NDUFV1: variants seen among roughly 807,000 people sequenced by gnomAD.
The protein encoded by NDUFV1 is NADH dehydrogenase [ubiquinone] flavoprotein 1, mitochondrial.
A neutral mutation model predicts 48.7 loss-of-function variants in NDUFV1; 41 were observed. The ratio of observed to expected loss-of-function variants is 0.84; its 90% CI spans 0.66 to 1.09. NDUFV1 has a LOEUF of 1.09. NDUFV1 is among the 50% of genes least tolerant of loss of function. NDUFV1 has a pLI of 0.00. For missense variants in NDUFV1, 580 were observed against 645.4 expected, an observed-to-expected ratio of 0.90 and a Z score of 1.10; for synonymous variants, 231 against 259.1, an observed-to-expected ratio of 0.89 and a Z score of 1.04.
At chr11:67,609,701 G>A (rs1854877765) in intron 4 of NDUFV1, 66 bp downstream of exon 4, 2 of 1,559,302 alleles carry the variant, frequency 1.3e-6, no homozygotes, top group Non-Finnish European at 1.7e-6. Context: ...CCCTCACCCA[G>A]CACAGTTGTT....
chr11:67,608,270 C>A, intron 1 of NDUFV1, 126 bp from the exon 2 acceptor site: 1 of 872,360 alleles, frequency 1.1e-6, no homozygotes, highest in Non-Finnish European at 2.0e-6. Context: ...ATCTATGATG[C>A]TATAGATGCT....
chr11:67,607,113 G>A, intron 1 of NDUFV1, 37 bp downstream of exon 1: 1 of 1,585,984 alleles, frequency 6.3e-7, no homozygotes, highest in Non-Finnish European at 8.5e-7. Context: ...GGGTGTTTGG[G>A]GCCGGGTGTC....
At position 67,608,586 on chromosome 11, in the gene NDUFV1, A is replaced by G. The variant is rs764747753; in HGVS notation, c.190A>G (p.Lys64Glu). The stretch of plus-strand genomic sequence containing the variant: ...TTCCCTGAGTCGAGGTGACTGGTAC[A>G]AGACAAAGGAGATCCTGCTGAAGGG... ...KGSLSRGDWYKTKEILLKGPD... is the reference protein window; with the variant it reads ...KGSLSRGDWYETKEILLKGPD... Residue 64 changes from lysine to glutamate, a missense_variant, in exon 3 of 10, where the codon AAG becomes GAG. Lys to Glu is a moderately conservative substitution (Grantham distance 56). Transcript: ENST00000322776. The G allele has an allele frequency of 6.2e-7, 1 of 1,614,190 alleles. No individual in the cohort carries two copies. Among genetic ancestry groups the G allele is most frequent in the Non-Finnish European group, 8.5e-7 (1 of 1,180,014 alleles).
In NDUFV1 at chr11:67,609,628, A is replaced by G. The variant is rs1306377615; in HGVS notation, c.503A>G (p.Asn168Ser). The change falls in exon 4 of 10, where the codon AAT becomes AGT. Residue 168 changes from asparagine (N) to serine (S), a missense_variant. Physicochemically the swap from Asn to Ser is conservative, Grantham distance 46. Coordinates refer to ENST00000322776, the MANE Select transcript of NDUFV1 (RefSeq NM_007103.4). Reference protein sequence around the residue: ...IRGEFYNEASNLQVAIREAYE... With the variant: ...IRGEFYNEASSLQVAIREAYE... ...GGGGAATTCTACAATGAGGCCTCCA[A>G]TCTGCAGGTGGGTAGGGAGAGATGT... 1 of 1,604,096 alleles carries G rather than the reference A, an allele frequency of 6.2e-7. No homozygotes were observed. Among genetic ancestry groups the G allele is most frequent in the Non-Finnish European group, 8.5e-7 (1 of 1,179,950 alleles).
rs193040914 is a variant in NDUFV1, at chr11:67,609,110, A to C, written c.327-342A>C. Among the ~76,000 whole-genome samples, 159 of 152,308 alleles carry C rather than the reference A, an allele frequency of 1.0e-3. 4 individuals carry two copies. Among genetic ancestry groups the C allele is most frequent in the African/African-American group, 3.4e-3 (141 of 41,566 alleles). Reference sequence around the variant, plus strand: ...TGGTTGGCACATAAAGCAAATGATAAATGTCACCTGCTTTACCTCCTTTTG... The same window carrying C: ...TGGTTGGCACATAAAGCAAATGATACATGTCACCTGCTTTACCTCCTTTTG... On this transcript the variant is annotated intron_variant, in intron 3 of 9. Transcript: ENST00000322776.
intron 1 of NDUFV1, chr11:67,607,476 G>T: frequency 2.1e-6 from 1 of 472,148 alleles, no homozygotes; most frequent in Non-Finnish European, 4.2e-6. Flanking sequence ...AAAAGGATGG[G>T]AATCCCGTCG....
chr11:67,607,424 CG>C, intron 1 of NDUFV1: 4 of 516,008 alleles, frequency 7.8e-6, no homozygotes, highest in South Asian at 6.1e-5. Flanking sequence ...CCTGATTTCC[CG>C]TCCACTGCTC....
chr11:67,609,560 G>A lies in NDUFV1; in HGVS notation c.435G>A (p.Gly145=), dbSNP rs146528078. Residue 145 remains glycine, a synonymous_variant, in exon 4 of 10, where the codon GGG becomes GGA. Transcript: ENST00000322776. The part of the protein sequence containing the change: ...PHKLLEGCLV[G]GRAMGARAAY... ...AGCTGCTGGAAGGCTGCCTGGTGGG[G>A]GGCCGGGCCATGGGCGCCCGCGCTG... 260 of 1,613,110 alleles carry A rather than the reference G, an allele frequency of 1.6e-4. No individual in the cohort carries two copies. The African/African-American group carries it at 3.1e-3, about 20-fold the overall frequency.
Position 67,610,541 on chromosome 11 carries a change from G to A in NDUFV1, c.671G>A (p.Arg224His), listed in dbSNP as rs754879444. 13 of 1,611,354 alleles carry A rather than the reference G, an allele frequency of 8.1e-6. No individual in the cohort carries two copies. Among genetic ancestry groups the A allele is most frequent in the South Asian group, 5.5e-5 (5 of 90,942 alleles). The change falls in exon 5 of 10, where the codon CGC (arginine) becomes CAC (histidine). Residue 224 changes from arginine (R) to histidine (H), a missense_variant. Transcript: ENST00000322776. ...ESIEGKQGKP[R>H]LKPPFPADVG... Reference sequence around the variant, plus strand: ...ATTGAGGGCAAGCAGGGCAAGCCCCGCCTGAAGCCCCCCTTCCCCGCAGAC... The same window carrying A: ...ATTGAGGGCAAGCAGGGCAAGCCCCACCTGAAGCCCCCCTTCCCCGCAGAC...
intron 1 of NDUFV1, 168 bp from the exon 2 acceptor site, chr11:67,608,228 A>AG (rs1271666501): frequency 2.3e-5 from 16 of 710,986 alleles, no homozygotes; most frequent in Non-Finnish European, 3.7e-5. Context: ...TCTGTCTCAA[A>AG]AAAAAAAAAA....
Position 67,610,467 on chromosome 11 carries a change from C to T in NDUFV1, c.597C>T (p.Arg199=), listed in dbSNP as rs151104852. Residue 199 remains arginine (R), a synonymous_variant, in exon 5 of 10, where the codon CGC becomes CGT. Coordinates refer to ENST00000322776, the MANE Select transcript of NDUFV1 (RefSeq NM_007103.4). ...ATGATTTTGACGTGTTTGTGGTGCG[C>T]GGGGCTGGGGCCTACATCTGTGGAG... ...SGYDFDVFVV[R]GAGAYICGEE... 698 of 1,614,162 alleles carry T rather than the reference C, an allele frequency of 4.3e-4. 1 individual carries two copies. Among genetic ancestry groups the T allele is most frequent in the African/African-American group, 2.0e-3 (148 of 75,028 alleles).
Position 67,611,147 on chromosome 11 carries a change from C to G in NDUFV1, c.853C>G (p.Pro285Ala). Residue 285 changes from proline to alanine, a missense_variant, in exon 6 of 10, where the codon CCT becomes GCT. Transcript: ENST00000322776. This position sits in a 1 kb window ranked among gnomAD's most constrained non-coding sequence, Gnocchi z 4.2. ...CAACATCTCTGGCCATGTCAACCAC[C>G]CTTGCACTGTGGAGGAGGAGATGTC... ...LFNISGHVNH[P>A]CTVEEEMSVP... The G allele has an allele frequency of 6.2e-7, 1 of 1,614,232 alleles. No homozygotes were observed. The highest frequency in any genetic ancestry group is 8.5e-7 in the Non-Finnish European group (1 of 1,180,048).
intron 4 of NDUFV1, chr11:67,609,873 A>C: frequency 4.0e-6 from 2 of 499,716 alleles, no homozygotes; most frequent in South Asian, 5.9e-5. Context: ...AGTATTTTTT[A>C]TAAAACAAGT....
Position 67,612,102 on chromosome 11 carries a change from T to TTGTGGC in NDUFV1, c.1163-9_1163-4dup. 1 of 1,613,370 alleles carries TTGTGGC rather than the reference T, an allele frequency of 6.2e-7. No homozygotes were observed. Among genetic ancestry groups the TTGTGGC allele is most frequent in the Non-Finnish European group, 8.5e-7 (1 of 1,179,912 alleles). Reference sequence around the variant, plus strand: ...GCTGGGGAGATCATCAGGCCCTCTCTTGTGGCTGTGGCTGCAGGTGTGGAC... The same window carrying TTGTGGC: ...GCTGGGGAGATCATCAGGCCCTCTCTTGTGGCTGTGGCTGTGGCTGCAGGTGTGGAC... On this transcript the variant is annotated splice_polypyrimidine_tract_variant and intron_variant, in intron 8 of 9. Transcript: ENST00000322776. This position sits in a 1 kb window ranked among gnomAD's most constrained non-coding sequence, Gnocchi z 4.4.
rs767364601 is a variant in NDUFV1 at position 67,609,580 on chromosome 11, G to C, written c.455G>C (p.Arg152Pro). 1 of 1,611,544 alleles carries C rather than the reference G, an allele frequency of 6.2e-7. No individual in the cohort carries two copies. Among genetic ancestry groups the C allele is most frequent in the Non-Finnish European group, 8.5e-7 (1 of 1,179,896 alleles). The change falls in exon 4 of 10, where the codon CGC (arginine) becomes CCC (proline). Residue 152 changes from arginine (R) to proline (P), a missense_variant. Coordinates refer to ENST00000322776, the MANE Select transcript of NDUFV1 (RefSeq NM_007103.4). Reference sequence around the variant, plus strand: ...GTGGGGGGCCGGGCCATGGGCGCCCGCGCTGCCTATATCTACATCCGAGGG... The same window carrying C: ...GTGGGGGGCCGGGCCATGGGCGCCCCCGCTGCCTATATCTACATCCGAGGG... ...CLVGGRAMGA[R>P]AAYIYIRGEF...
At chr11:67,609,879 C>T (rs1854879804) in intron 4 of NDUFV1, 1 of 480,518 alleles carries the variant, frequency 2.1e-6, no homozygotes, top group Admixed American at 3.8e-5. Context: ...TTTTATAAAA[C>T]AAGTAGCAAG....
At chr11:67,610,104 TC>T in intron 4 of NDUFV1, 1 of 486,148 alleles carries the variant, frequency 2.1e-6, no homozygotes, top group South Asian at 2.6e-5. Context: ...CTTTTATTTT[TC>T]CTTTACAGAC....
Position 67,607,071 on chromosome 11 carries a change from G to A in NDUFV1, c.67G>A (p.Asp23Asn). The A allele has an allele frequency of 6.2e-7, 1 of 1,606,410 alleles. No homozygotes were observed. Among genetic ancestry groups the A allele is most frequent in the Non-Finnish European group, 8.5e-7 (1 of 1,178,974 alleles). ...PARVSVRFSG[D>N]TTAPKKTSFG... ...GCGGGTATCTGTGCGTTTCAGCGGCGACACGGTGAGGCCCAGCCTGGCTGG... is the reference window on the plus strand; with the variant it reads ...GCGGGTATCTGTGCGTTTCAGCGGCAACACGGTGAGGCCCAGCCTGGCTGG... Residue 23 changes from aspartate to asparagine, a missense_variant, in exon 1 of 10, where the codon GAC (aspartate) becomes AAC (asparagine). By Grantham distance (23) the Asp-to-Asn change is conservative. Transcript: ENST00000322776.
rs567899132 is a variant in NDUFV1, at chr11:67,610,934, C to T, written c.701-61C>T. ...GGTGCAGGACCCTGGGACACACCTC[C>T]CTGCCAGGAAACTTGCCCCACCCCC... On this transcript the variant is annotated intron_variant, in intron 5 of 9. Transcript: ENST00000322776. The T allele has an allele frequency of 1.8e-5, 28 of 1,537,154 alleles. 1 individual carries two copies. The African/African-American group carries it at 3.1e-4, about 17-fold the overall frequency.
Sources: gnomAD v4.1 joint callset for allele counts (sites outside exome capture counted in the v4.1 genomes callset) on GRCh38, gnomAD v4.1.1 for gene constraint, Gnocchi (gnomAD v3.1) non-coding constraint, MANE v1.5 for transcripts, NCBI Gene and HGNC (gene_info 2026-07-23, HGNC 2026-07-21) for gene names.